Variants in MBD1 observed in about 807,000 individuals in gnomAD.
MBD1 encodes the protein methyl-CpG binding domain protein 1.
A neutral mutation model predicts 82.6 loss-of-function variants in MBD1; 25 were observed. The ratio of observed to expected loss-of-function variants is 0.30; its 90% confidence interval spans 0.22 to 0.42. The LOEUF is 0.42. MBD1 is among the 10% of genes least tolerant of loss of function. The probability of loss-of-function intolerance (pLI) is 1.00; values close to 1 mark genes in which losing one functional copy is unlikely to be tolerated. For missense variants in MBD1, 627 were observed against 819.6 expected (o/e 0.76, Z 2.87); for synonymous variants, 301 against 303.7 (o/e 0.99, Z 0.09).
chr18:50,270,722 T>C (rs2035154342), intron 16 of MBD1: 1 of 220,372 alleles, frequency 4.5e-6, no homozygotes, highest in Admixed American at 5.0e-5. Context: ...CCATCTACAT[T>C]GAGCCTTGGC....
rs1226590666 is a variant in MBD1 at position 50,269,528 on chromosome 18, T to C, written c.*323A>G. 5.6e-6 allele frequency: 4 copies of C among 717,702 alleles called. No individual in the cohort carries two copies. The highest frequency in any genetic ancestry group is 7.7e-6 in the Non-Finnish European group (3 of 387,406). The allele number at this position is 717,702 out of a possible 1,614,324, so 44.5% of individuals were successfully genotyped here. On this transcript the variant is annotated 3_prime_UTR_variant, in exon 17 of 17. Transcript: ENST00000269468. ...GCCATGTATCTGCTAGATCACCTCG[T>C]TGGTGTGGGCAGTAGTCAGGCCTGC...
In MBD1 at chr18:50,273,620, T is replaced by C; in HGVS notation, c.1390A>G (p.Ser464Gly). Residue 464 changes from serine to glycine, a missense_variant, in exon 12 of 17, where the codon AGC becomes GGC. Around this residue, in one of 6 missense-constraint regions of MBD1, gnomAD observed 265 missense variants for 278.4 expected, o/e 0.95. Transcript: ENST00000269468. ...GGGCCCGGCACCTGCACAGGACTGCTTGCGCCTTCCCGTAAAAACACAAGG... is the reference window on the plus strand; with the variant it reads ...GGGCCCGGCACCTGCACAGGACTGCCTGCGCCTTCCCGTAAAAACACAAGG... ...TDLVFLREGA[S>G]SPVQVPGPVA... The C allele has an allele frequency of 6.2e-7, 1 of 1,613,558 alleles. No homozygotes were observed.
In MBD1 at chr18:50,273,566, G is replaced by T. The variant is rs1390841969; in HGVS notation, c.1444C>A (p.Gln482Lys). The change falls in exon 12 of 17, where the codon CAG becomes AAG. Residue 482 changes from glutamine (Q) to lysine (K), a missense_variant and splice_region_variant. This residue lies in a region of MBD1 where 265 missense variants were observed against 278.4 expected (regional missense o/e 0.95). Coordinates refer to ENST00000269468, the MANE Select transcript of MBD1 (RefSeq NM_015846.4). Reference protein sequence around the residue: ...PVAASTEALLQEAQCSGLSWV... With the variant: ...PVAASTEALLKEAQCSGLSWV... ...GCAGGACAGGGTGGGGCCCTCACCT[G>T]CAACAGGGCTTCTGTGGAAGCTGCA... 10 of 1,612,806 alleles carry T rather than the reference G, an allele frequency of 6.2e-6. No homozygotes were observed. Among genetic ancestry groups the T allele is most frequent in the Non-Finnish European group, 8.5e-6 (10 of 1,180,018 alleles).
chr18:50,271,643 C>A, intron 15 of MBD1, 103 bp from the exon 16 acceptor site: 1 of 1,200,288 alleles, frequency 8.3e-7, no homozygotes, highest in Non-Finnish European at 1.2e-6. Context: ...CCATCCACTT[C>A]CCCTTAATTA....
Position 50,277,324 on chromosome 18 carries a change from C to T in MBD1, c.111-120G>A, listed in dbSNP as rs1486909289. 3 of 604,690 alleles carry T rather than the reference C, an allele frequency of 5.0e-6. No individual in the cohort carries two copies. The Admixed American group carries it at 8.7e-5, about 17-fold the overall frequency. 37.5% of individuals were successfully genotyped at this position (604,690 alleles called of 1,614,324 possible). ...GCCTGGAATTGGCTTGTGAGCCCTGCCCAGCCCCCACCTCAACTAACCTTG... is the reference window on the plus strand; with the variant it reads ...GCCTGGAATTGGCTTGTGAGCCCTGTCCAGCCCCCACCTCAACTAACCTTG... On this transcript the variant is annotated intron_variant, in intron 2 of 16. Coordinates refer to ENST00000269468, the MANE Select transcript of MBD1 (RefSeq NM_015846.4).
intron 2 of MBD1, among the ~76,000 whole-genome samples, chr18:50,279,451 GA>G (rs1441226008): frequency 2.0e-5 from 3 of 152,094 alleles, no homozygotes; most frequent in Non-Finnish European, 4.4e-5. Context: ...CATAAAGCAC[GA>G]CATAGTCTTC....
At chr18:50,274,129 C>A (rs1288231795) in intron 11 of MBD1, 57 bp downstream of exon 11, 1 of 1,608,942 alleles carries the variant, frequency 6.2e-7, no homozygotes, top group African/African-American at 1.3e-5. Context: ...CACTTCCAGG[C>A]ACTGGGGCGC....
In MBD1 at chr18:50,268,952, G is replaced by A; in HGVS notation, c.*899C>T. On this transcript the variant is annotated 3_prime_UTR_variant, in exon 17 of 17. Transcript: ENST00000269468. ...TGTGCCCCAAACAAGGTTCACAAAA[G>A]GGCTGTCCTCCCAACAATTTTCTGA... 1.0e-6 allele frequency: 1 copy of A among 984,996 alleles called. No homozygotes were observed. The highest frequency in any genetic ancestry group is 1.2e-6 in the Non-Finnish European group (1 of 829,560). The allele number at this position is 984,996 out of a possible 1,614,324, so 61.0% of individuals were successfully genotyped here.
At chr18:50,275,393 G>A (rs533152357) in intron 8 of MBD1, 148 bp from the exon 9 acceptor site, 200 of 1,608,578 alleles carry the variant, frequency 1.2e-4, no homozygotes, top group Non-Finnish European at 1.6e-4. Context: ...ACAGCCAGGG[G>A]AGTGCGTCGC....
chr18:50,279,871 C>T lies in MBD1; in HGVS notation c.110+12G>A, dbSNP rs371566261. 1.9e-6 allele frequency: 3 copies of T among 1,613,606 alleles called. No individual in the cohort carries two copies. The highest frequency in any genetic ancestry group is 2.5e-6 in the Non-Finnish European group (3 of 1,179,936). On this transcript the variant is annotated intron_variant, in intron 2 of 16. Coordinates refer to ENST00000269468, the MANE Select transcript of MBD1 (RefSeq NM_015846.4). Reference sequence around the variant, plus strand: ...ACCCCACTCCTGACTCTGCCCACTACCCACCCAGTACCTCTGGTAATAGGT... The same window carrying T: ...ACCCCACTCCTGACTCTGCCCACTATCCACCCAGTACCTCTGGTAATAGGT...
At chr18:50,280,124 T>C (rs893394206) in intron 1 of MBD1, 107 bp from the exon 2 acceptor site, 2 of 1,131,544 alleles carry the variant, frequency 1.8e-6, no homozygotes, top group African/African-American at 3.1e-5. Flanking sequence ...GCCCAAGCCC[T>C]AGGACCTGCC....
intron 15 of MBD1, 25 bp downstream of exon 15, chr18:50,272,652 C>T (rs750955919): frequency 2.5e-6 from 4 of 1,613,962 alleles, no homozygotes; most frequent in Admixed American, 1.7e-5. Context: ...CACTCCTTCC[C>T]CACCCCTCAC....
At chr18:50,273,536 G>A (rs2036521123) in intron 12 of MBD1, 28 bp downstream of exon 12, 2 of 1,613,292 alleles carry the variant, frequency 1.2e-6, no homozygotes, top group Middle Eastern at 1.6e-4. Flanking sequence ...GGTGAGGCTG[G>A]GAAGGCAGGA....
chr18:50,276,362 A>G lies in MBD1; in HGVS notation c.516+16T>C. The G allele has an allele frequency of 6.2e-7, 1 of 1,613,198 alleles. No individual in the cohort carries two copies. The highest frequency in any genetic ancestry group is 8.5e-7 in the Non-Finnish European group (1 of 1,179,248). ...TCCCACTGCAGAGTTGTGAAGAGGA[A>G]GCAGGTTGTGCTTACCTTAAACATT... On this transcript the variant is annotated intron_variant, in intron 6 of 16. Coordinates refer to ENST00000269468, the MANE Select transcript of MBD1 (RefSeq NM_015846.4).
At chr18:50,274,393 A>G in intron 10 of MBD1, 40 bp from the exon 11 acceptor site, 1 of 1,598,134 alleles carries the variant, frequency 6.3e-7, no homozygotes, top group Non-Finnish European at 8.5e-7. Flanking sequence ...AACTAGGACT[A>G]GGAGAGGCCA....
At position 50,276,925 on chromosome 18, in the gene MBD1, A is replaced by G. The variant is rs2038148096; in HGVS notation, c.299T>C (p.Val100Ala). 6.2e-7 allele frequency: 1 copy of G among 1,614,036 alleles called. No individual in the cohort carries two copies. The highest frequency in any genetic ancestry group is 1.3e-5 in the African/African-American group (1 of 74,908). Residue 100 changes from valine (V) to alanine (A), a missense_variant, in exon 4 of 17, where the codon GTT becomes GCT. By Grantham distance (64) the Val-to-Ala change is moderately conservative (BLOSUM62 0). Coordinates refer to ENST00000269468, the MANE Select transcript of MBD1 (RefSeq NM_015846.4). ...SRPAKTRKRQ[V>A]GPQSGEVRKE... ...CCTGACCTCACCACTCTGGGGTCCA[A>G]CCTGACGTTTCCGAGTCTTGGCTGG...
rs2035115273 is a variant in MBD1 at position 50,270,629 on chromosome 18, TA to T, written c.*33-812del. ...GCAGCCAGTGGGGAGATATATCCTG[TA>T]GGGTTTGAGGAATCCTATGCAGCAC... is the stretch of plus-strand genomic sequence containing the variant. On this transcript the variant is annotated intron_variant, in intron 16 of 16. Coordinates refer to ENST00000269468, the MANE Select transcript of MBD1 (RefSeq NM_015846.4). 2.9e-5 allele frequency: 9 copies of T among 311,316 alleles called. No homozygotes were observed. In the East Asian group the frequency reaches 6.8e-4, roughly 24 times the overall value. 19.3% of individuals were successfully genotyped at this position (311,316 alleles called of 1,614,324 possible). A position where few individuals can be genotyped will look rare whatever the true frequency, so the allele number is the denominator to read the frequency against.
At chr18:50,271,311 C>T in intron 16 of MBD1, 158 bp downstream of exon 16, 1 of 1,518,988 alleles carries the variant, frequency 6.6e-7, no homozygotes, top group Middle Eastern at 2.2e-4. Flanking sequence ...CCGCTTACTT[C>T]TTCTAGAAGC....
chr18:50,281,315 C>A, intron 1 of MBD1, 48 bp downstream of exon 1: 1 of 1,242,520 alleles, frequency 8.0e-7, no homozygotes. Context: ...AATTCCTTCC[C>A]ATCCTCCGCC....
Sources: gnomAD v4.1 joint callset for allele counts (sites outside exome capture counted in the v4.1 genomes callset) on GRCh38, gnomAD v4.1.1 for gene constraint, gnomAD v4.1.1 regional missense constraint, MANE v1.5 for transcripts, NCBI Gene and HGNC (gene_info 2026-07-23, HGNC 2026-07-21) for gene names.